Variants in ADAMTS3 observed in about 807,000 individuals in gnomAD.
The protein encoded by ADAMTS3 is ADAM metallopeptidase with thrombospondin type 1 motif 3, also known as A disintegrin and metalloproteinase with thrombospondin motifs 3.
A neutral mutation model predicts 129.0 loss-of-function variants in ADAMTS3; 73 were observed. The ratio of observed to expected loss-of-function variants is 0.57; its 90% CI spans 0.47 to 0.69. ADAMTS3 has a LOEUF of 0.69. ADAMTS3 is among the 30% of genes least tolerant of loss of function. The pLI is 0.00. For synonymous variants in ADAMTS3, 477 were observed against 510.8 expected, an observed-to-expected ratio of 0.93 and a Z score of 0.89; for missense variants, 1,457 against 1,514.5, an observed-to-expected ratio of 0.96 and a Z score of 0.63.
intron 11 of ADAMTS3, among the ~76,000 whole-genome samples, chr4:72,315,254 A>C (rs1719360900): frequency 6.6e-6 from 1 of 152,198 alleles, no homozygotes. Context: ...TCCCAAAGAT[A>C]TCAAGTCTTA....
chr4:72,437,350 A>G (rs148522190), intron 3 of ADAMTS3, among the ~76,000 whole-genome samples: 558 of 151,952 alleles, frequency 3.7e-3, no homozygotes, highest in African/African-American at 9.8e-3. Context: ...AACCACGTAC[A>G]TCGAAAATTT....
chr4:72,480,431 A>G (rs1719399193), intron 3 of ADAMTS3, among the ~76,000 whole-genome samples: 2 of 152,164 alleles, frequency 1.3e-5, no homozygotes, highest in Non-Finnish European at 2.9e-5. Flanking sequence ...CCTTCTCAGT[A>G]AACTATCGCA....
intron 3 of ADAMTS3, among the ~76,000 whole-genome samples, chr4:72,532,660 C>T (rs991387450): frequency 1.3e-5 from 2 of 152,030 alleles, no homozygotes; most frequent in East Asian, 1.9e-4. Flanking sequence ...CTTACACAAC[C>T]GTACATAGTG....
intron 3 of ADAMTS3, among the ~76,000 whole-genome samples, chr4:72,513,938 G>C (rs1720383728): frequency 6.6e-6 from 1 of 151,968 alleles, no homozygotes; most frequent in South Asian, 2.1e-4. Context: ...TGCAGTATTT[G>C]GTTTTCTATT....
intron 2 of ADAMTS3, among the ~76,000 whole-genome samples, chr4:72,564,755 C>T (rs956767454): frequency 2.0e-5 from 3 of 152,136 alleles, no homozygotes; most frequent in Admixed American, 2.0e-4. Context: ...TAACCTGTCC[C>T]CATCACAAAC....
chr4:72,357,702 T>C (rs978011153), intron 4 of ADAMTS3, among the ~76,000 whole-genome samples: 2 of 151,978 alleles, frequency 1.3e-5, no homozygotes, highest in Non-Finnish European at 2.9e-5. Flanking sequence ...GTCTGCTTTG[T>C]GGATGCTGGA....
intron 3 of ADAMTS3, among the ~76,000 whole-genome samples, chr4:72,435,848 T>A (rs1331476113): frequency 1.3e-5 from 2 of 152,038 alleles, no homozygotes; most frequent in East Asian, 3.9e-4. Context: ...ATACAAAAAT[T>A]AATTCGAAAT....
intron 4 of ADAMTS3, among the ~76,000 whole-genome samples, chr4:72,349,120 C>T (rs1720362804): frequency 6.6e-6 from 1 of 152,012 alleles, no homozygotes. Context: ...CTAGTTCCAG[C>T]TCTACTATGA....
chr4:72,567,240 G>A, intron 2 of ADAMTS3, 134 bp downstream of exon 2: 1 of 882,894 alleles, frequency 1.1e-6, no homozygotes, highest in South Asian at 1.6e-5. Context: ...GAGAAGAACA[G>A]AAATGTTTCC....
At chr4:72,477,719 C>T (rs1055006477) in intron 3 of ADAMTS3, among the ~76,000 whole-genome samples, 75 of 151,858 alleles carry the variant, frequency 4.9e-4, no homozygotes, top group African/African-American at 1.6e-3. Context: ...AATAGAGACA[C>T]AAAAAACCCT....
chr4:72,473,746 T>G (rs1719147013), intron 3 of ADAMTS3, among the ~76,000 whole-genome samples: 1 of 152,162 alleles, frequency 6.6e-6, no homozygotes, highest in East Asian at 1.9e-4. Flanking sequence ...CACTGTGTAC[T>G]ATCAGTGGGA....
At chr4:72,362,169 T>C (rs1018849239) in intron 4 of ADAMTS3, among the ~76,000 whole-genome samples, 48 of 151,952 alleles carry the variant, frequency 3.2e-4, no homozygotes, top group Non-Finnish European at 4.3e-4. Flanking sequence ...CTACTAATTG[T>C]TAAGTTCCAT....
At chr4:72,509,169 AAG>A (rs1244002580) in intron 3 of ADAMTS3, among the ~76,000 whole-genome samples, 1 of 151,994 alleles carries the variant, frequency 6.6e-6, no homozygotes, top group Non-Finnish European at 1.5e-5. Flanking sequence ...TACATCAAAA[AAG>A]AGAAAAAATT....
At chr4:72,342,970 A>G (rs552613582) in intron 4 of ADAMTS3, among the ~76,000 whole-genome samples, 1 of 152,314 alleles carries the variant, frequency 6.6e-6, no homozygotes, top group Non-Finnish European at 1.5e-5. Flanking sequence ...TTAACAGGCA[A>G]AAGAAGAAAA....
intron 2 of ADAMTS3, among the ~76,000 whole-genome samples, chr4:72,564,435 C>T (rs1560569503): frequency 1.3e-5 from 2 of 152,080 alleles, no homozygotes; most frequent in East Asian, 1.9e-4. Flanking sequence ...TGACAGTGCT[C>T]CCTGATACGC....
Position 72,320,850 on chromosome 4 carries a change from C to G in ADAMTS3, c.966G>C (p.Arg322Ser), listed in dbSNP as rs758868508. 2 of 1,613,910 alleles carry G rather than the reference C, an allele frequency of 1.2e-6. No homozygotes were observed. Among genetic ancestry groups the G allele is most frequent in the Non-Finnish European group, 1.7e-6 (2 of 1,179,874 alleles). ...GYAKSISLIE[R>S]GNPSRSLENV... ...TCTCCAAGCTTCTGGATGGGTTTCC[C>G]CTTTCTATGAGGCTGATGGACTAAG... is the stretch of plus-strand genomic sequence containing the variant. Residue 322 changes from arginine to serine, a missense_variant, in exon 7 of 22, where the codon AGG (arginine) becomes AGC (serine). Arg to Ser is a moderately radical substitution (Grantham distance 110). Transcript: ENST00000286657.
At chr4:72,441,077 C>G (rs1718100080) in intron 3 of ADAMTS3, among the ~76,000 whole-genome samples, 1 of 151,710 alleles carries the variant, frequency 6.6e-6, no homozygotes, top group African/African-American at 2.4e-5. Flanking sequence ...GTTTCTTTCT[C>G]CCTTCCCCAG....
intron 3 of ADAMTS3, among the ~76,000 whole-genome samples, chr4:72,423,290 T>C (rs1490181788): frequency 1.3e-5 from 2 of 152,162 alleles, no homozygotes; most frequent in Non-Finnish European, 2.9e-5. Flanking sequence ...AAGTTTTAAA[T>C]GTCTGGAAAA....
rs540087457 is a variant in ADAMTS3, at chr4:72,380,650, A to C, written c.661+34165T>G. On this transcript the variant is annotated intron_variant, in intron 4 of 21. Coordinates refer to ENST00000286657, the MANE Select transcript of ADAMTS3 (RefSeq NM_014243.3). The stretch of plus-strand genomic sequence containing the variant: ...TGACAGGGCCAGCAGCATAGCTTTG[A>C]CATTCTGTCTTAAGGAAATATCGAA... 2.2e-4 allele frequency among the ~76,000 whole-genome samples: 33 copies of C among 152,246 alleles called. No homozygotes were observed. The South Asian group carries it at 6.8e-3, about 32-fold the overall frequency.
Sources: gnomAD v4.1 joint callset for allele counts (sites outside exome capture counted in the v4.1 genomes callset) on GRCh38, gnomAD v4.1.1 for gene constraint, MANE v1.5 for transcripts, NCBI Gene and HGNC (gene_info 2026-07-23, HGNC 2026-07-21) for gene names.